Variants in CWC27 observed in about 807,000 individuals in gnomAD.
CWC27 encodes the protein CWC27 spliceosome associated cyclophilin.
CWC27 carries 47 observed loss-of-function variants against 63.6 expected under a neutral mutation model. The ratio of observed to expected loss-of-function variants is 0.74; its 90% CI spans 0.58 to 0.94. The LOEUF (loss-of-function observed/expected upper bound fraction) is 0.94. Ranked by LOEUF, CWC27 falls within the 40% of genes least tolerant of loss-of-function variation. The pLI, the probability that CWC27 is intolerant of heterozygous loss-of-function variation, is 0.00. For synonymous variants in CWC27, 175 were observed against 179.8 expected (o/e 0.97, Z 0.22); for missense variants, 495 against 554.3 (o/e 0.89, Z 1.07).
At chr5:64,992,878 T>A (rs1309550) in intron 13 of CWC27, among the ~76,000 whole-genome samples, 67,366 of 151,806 alleles carry the variant, frequency 0.44, 15,105 homozygotes, top group African/African-American at 0.47. Flanking sequence ...GGAGGTACAT[T>A]CCATGGAGGT....
chr5:64,837,429 T>A (rs1208280215), intron 10 of CWC27, among the ~76,000 whole-genome samples: 1 of 152,030 alleles, frequency 6.6e-6, no homozygotes, highest in East Asian at 1.9e-4. Flanking sequence ...GTTTTTAATG[T>A]GACTCCATTG....
At chr5:64,878,470 T>G (rs1245549397) in intron 10 of CWC27, among the ~76,000 whole-genome samples, 1 of 26,914 alleles carries the variant, frequency 3.7e-5, no homozygotes, top group African/African-American at 1.2e-4. Context: ...GGTTACAGAT[T>G]AAAAAAAAAA....
intron 11 of CWC27, among the ~76,000 whole-genome samples, chr5:64,914,149 C>T (rs562590547): frequency 6.6e-6 from 1 of 152,124 alleles, no homozygotes; most frequent in South Asian, 2.1e-4. Context: ...TCACACCAGA[C>T]ATAAAAACTA....
intron 11 of CWC27, among the ~76,000 whole-genome samples, chr5:64,914,512 C>T (rs1251425361): frequency 2.0e-5 from 3 of 152,026 alleles, no homozygotes; most frequent in Admixed American, 1.3e-4. Context: ...ATCTAGTGTC[C>T]ACTAATCATA....
chr5:64,997,679 A>G (rs558999975), intron 13 of CWC27, among the ~76,000 whole-genome samples: 1 of 152,286 alleles, frequency 6.6e-6, no homozygotes, highest in African/African-American at 2.4e-5. Context: ...GTGGACAATA[A>G]TGCCTCATTA....
At chr5:64,771,940 G>T (rs529567951) in intron 1 of CWC27, among the ~76,000 whole-genome samples, 4 of 152,250 alleles carry the variant, frequency 2.6e-5, no homozygotes, top group African/African-American at 9.6e-5. Context: ...AAAAAACCAC[G>T]TAATAATGAC....
At position 64,942,137 on chromosome 5, in the gene CWC27, A is replaced by G. The variant is rs80096283; in HGVS notation, c.1043-29566A>G. 5.5e-3 allele frequency among the ~76,000 whole-genome samples: 833 copies of G among 152,192 alleles called. 9 individuals carry two copies. Among genetic ancestry groups the G allele is most frequent in the African/African-American group, 0.019 (775 of 41,532 alleles). ...TGCTTTATTTTATACTAATAAAGAA[A>G]AATATTGCCTGGGTGCAATGGTTCA... is the stretch of plus-strand genomic sequence containing the variant. On this transcript the variant is annotated intron_variant, in intron 11 of 13. Transcript: ENST00000381070.
At chr5:64,957,811 T>TA (rs908153054) in intron 11 of CWC27, among the ~76,000 whole-genome samples, 37 of 152,126 alleles carry the variant, frequency 2.4e-4, no homozygotes, top group African/African-American at 8.2e-4. Flanking sequence ...AAATTATTAG[T>TA]AAAAATAAGA....
At chr5:64,867,326 A>G (rs1456755504) in intron 10 of CWC27, among the ~76,000 whole-genome samples, 2 of 152,042 alleles carry the variant, frequency 1.3e-5, no homozygotes, top group African/African-American at 4.8e-5. Flanking sequence ...TTATTATATT[A>G]TTGTTGGTTT....
intron 11 of CWC27, among the ~76,000 whole-genome samples, chr5:64,961,977 C>T (rs1561171691): frequency 6.6e-6 from 1 of 152,224 alleles, no homozygotes; most frequent in East Asian, 1.9e-4. Context: ...CATTATAATG[C>T]ATCATTATTG....
chr5:64,844,008 GC>G lies in CWC27; in HGVS notation c.938+39624del, dbSNP rs551715774. ...TGAAAACTGCTACACTTGGAAACAA[GC>G]CTGAGATACCTGCATGATTTTCATA... is the stretch of plus-strand genomic sequence containing the variant. On this transcript the variant is annotated intron_variant, in intron 10 of 13. Transcript: ENST00000381070. 3.8e-3 allele frequency among the ~76,000 whole-genome samples: 578 copies of G among 152,176 alleles called. 2 individuals carry two copies. Among genetic ancestry groups the G allele is most frequent in the South Asian group, 5.8e-3 (28 of 4,824 alleles).
At chr5:64,796,589 A>G (rs1032159866) in intron 7 of CWC27, among the ~76,000 whole-genome samples, 2 of 152,144 alleles carry the variant, frequency 1.3e-5, no homozygotes, top group African/African-American at 2.4e-5. Flanking sequence ...ATATCTAAAA[A>G]AATATTTTCA....
At chr5:64,861,272 C>G (rs896090799) in intron 10 of CWC27, among the ~76,000 whole-genome samples, 1 of 151,570 alleles carries the variant, frequency 6.6e-6, no homozygotes, top group African/African-American at 2.4e-5. Context: ...TTTCACTCAC[C>G]ACCATACTAA....
At chr5:64,866,786 T>C (rs1420476953) in intron 10 of CWC27, among the ~76,000 whole-genome samples, 1 of 152,156 alleles carries the variant, frequency 6.6e-6, no homozygotes, top group African/African-American at 2.4e-5. Flanking sequence ...ATGCTTTAAA[T>C]ATATTGAGGC....
At chr5:64,841,877 T>C (rs1299269717) in intron 10 of CWC27, among the ~76,000 whole-genome samples, 3 of 151,972 alleles carry the variant, frequency 2.0e-5, no homozygotes, top group Non-Finnish European at 4.4e-5. Flanking sequence ...ATGGGGTTTC[T>C]CCATGTTGGT....
intron 11 of CWC27, among the ~76,000 whole-genome samples, chr5:64,967,265 C>T (rs1294321052): frequency 6.6e-6 from 1 of 151,964 alleles, no homozygotes; most frequent in African/African-American, 2.4e-5. Context: ...ATGGTTGGAA[C>T]CAAAAGGATG....
intron 13 of CWC27, among the ~76,000 whole-genome samples, chr5:65,005,879 C>T (rs1173196387): frequency 1.3e-5 from 2 of 152,106 alleles, no homozygotes; most frequent in Admixed American, 1.3e-4. Flanking sequence ...TTAAAACATA[C>T]TCTAGAAATC....
At chr5:64,832,804 C>T (rs1022352301) in intron 10 of CWC27, among the ~76,000 whole-genome samples, 41 of 151,774 alleles carry the variant, frequency 2.7e-4, no homozygotes, top group Non-Finnish European at 4.1e-4. Context: ...AATGTCAAAA[C>T]AGTGAAAGAG....
intron 11 of CWC27, among the ~76,000 whole-genome samples, chr5:64,921,348 C>T (rs1192268712): frequency 6.6e-6 from 1 of 151,846 alleles, no homozygotes; most frequent in East Asian, 1.9e-4. Flanking sequence ...TGCTTCATGG[C>T]CTAGCTTGCG....
Sources: gnomAD v4.1 joint callset for allele counts (sites outside exome capture counted in the v4.1 genomes callset) on GRCh38, gnomAD v4.1.1 for gene constraint, MANE v1.5 for transcripts, NCBI Gene and HGNC (gene_info 2026-07-23, HGNC 2026-07-21) for gene names.